The following IPO11 variants were observed in gnomAD, a reference collection of about 807,000 sequenced individuals.
IPO11 encodes the protein importin-11.
In IPO11, 66 loss-of-function variants were observed where a neutral mutation model predicts 143.2. The observed-to-expected ratio is 0.46, with a 90% confidence interval of 0.38 to 0.57. The LOEUF (loss-of-function observed/expected upper bound fraction) is 0.57, where lower values mean the gene tolerates loss of function less well. IPO11 is among the 20% of genes least tolerant of loss of function. IPO11 has a pLI of 0.00. For synonymous variants in IPO11, 385 were observed against 377.8 expected, an observed-to-expected ratio of 1.02 and a Z score of -0.22; for missense variants, 1,026 against 1,141.0, an observed-to-expected ratio of 0.90 and a Z score of 1.45.
chr5:62,519,145 G>T (rs1250823602), intron 20 of IPO11, among the ~76,000 whole-genome samples: 1 of 152,152 alleles, frequency 6.6e-6, no homozygotes, highest in African/African-American at 2.4e-5. Flanking sequence ...TTATTTAGAT[G>T]GTGGTTTAGC....
At chr5:62,446,417 C>G (rs1001343050) in intron 3 of IPO11, among the ~76,000 whole-genome samples, 4 of 152,158 alleles carry the variant, frequency 2.6e-5, no homozygotes, top group Admixed American at 2.6e-4. Context: ...CAGCAACATA[C>G]GAGTGTTTGT....
chr5:62,450,874 G>C (rs1169141112), intron 4 of IPO11, among the ~76,000 whole-genome samples: 1 of 152,032 alleles, frequency 6.6e-6, no homozygotes, highest in African/African-American at 2.4e-5. Context: ...ACTTGGTTAT[G>C]CTTGATTTTT....
chr5:62,541,456 G>C (rs981028599), intron 24 of IPO11, among the ~76,000 whole-genome samples: 2 of 152,084 alleles, frequency 1.3e-5, no homozygotes, highest in South Asian at 4.1e-4. Context: ...GAGGCAGGCG[G>C]ATCACTTGAT....
intron 13 of IPO11, among the ~76,000 whole-genome samples, chr5:62,488,931 A>G (rs781635965): frequency 3.3e-5 from 5 of 152,166 alleles, no homozygotes; most frequent in Admixed American, 6.6e-5. Context: ...TGAGCGCAGG[A>G]GGATGAGGCT....
At chr5:62,599,253 A>C (rs1482472834) in intron 28 of IPO11, among the ~76,000 whole-genome samples, 1 of 152,242 alleles carries the variant, frequency 6.6e-6, no homozygotes, top group Non-Finnish European at 1.5e-5. Context: ...CCTTTGCCCC[A>C]ACTATCCCTC....
chr5:62,517,602 C>T (rs191838501), intron 20 of IPO11, among the ~76,000 whole-genome samples: 152 of 152,226 alleles, frequency 1.0e-3, no homozygotes, highest in African/African-American at 3.6e-3. Flanking sequence ...GGGGTTTCTC[C>T]ATGTTGGTCA....
intron 5 of IPO11, among the ~76,000 whole-genome samples, chr5:62,466,652 A>G (rs373580810): frequency 3.3e-5 from 5 of 152,316 alleles, no homozygotes; most frequent in East Asian, 1.9e-4. Context: ...CTGAGAAACC[A>G]TGTGGTTTGT....
chr5:62,573,084 T>C (rs1744196528), intron 27 of IPO11, among the ~76,000 whole-genome samples: 1 of 152,116 alleles, frequency 6.6e-6, no homozygotes, highest in African/African-American at 2.4e-5. Context: ...TTTCACACTG[T>C]CGCCCAGGCT....
rs114378790 is a variant in IPO11, at chr5:62,612,556, T to C, written c.2763+10708T>C. On this transcript the variant is annotated intron_variant, in intron 29 of 29. Transcript: ENST00000325324. Reference sequence around the variant, plus strand: ...TTAAGCCACACATTAGATTTCCAAGTATGTAAAGCAGTGCCATTTTTCTCA... The same window carrying C: ...TTAAGCCACACATTAGATTTCCAAGCATGTAAAGCAGTGCCATTTTTCTCA... Among the ~76,000 whole-genome samples the C allele has an allele frequency of 4.4e-3, 670 of 152,350 alleles. 7 individuals carry two copies. The highest frequency in any genetic ancestry group is 0.016 in the African/African-American group (646 of 41,588).
intron 14 of IPO11, among the ~76,000 whole-genome samples, chr5:62,489,903 C>G (rs1292352336): frequency 6.6e-6 from 1 of 152,074 alleles, no homozygotes; most frequent in Non-Finnish European, 1.5e-5. Flanking sequence ...ATTGAATTAT[C>G]TGTTTGAAAG....
At chr5:62,425,650 T>TA (rs1156464594) in intron 1 of IPO11, among the ~76,000 whole-genome samples, 1 of 152,202 alleles carries the variant, frequency 6.6e-6, no homozygotes, top group Non-Finnish European at 1.5e-5. Context: ...TTAGGAATGA[T>TA]AGAAACAATA....
At chr5:62,537,846 C>G (rs987452410) in intron 24 of IPO11, among the ~76,000 whole-genome samples, 3 of 151,706 alleles carry the variant, frequency 2.0e-5, no homozygotes, top group Non-Finnish European at 4.4e-5. Flanking sequence ...TATATATTTA[C>G]ATATAAACAT....
At position 62,476,697 on chromosome 5, in the gene IPO11, A is replaced by G. The variant is rs750228579; in HGVS notation, c.772A>G (p.Thr258Ala). Residue 258 changes from threonine (T) to alanine (A), a missense_variant, in exon 9 of 30, where the codon ACA (threonine) becomes GCA (alanine). Physicochemically the swap from Thr to Ala is moderately conservative, Grantham distance 58. Coordinates refer to ENST00000325324, the MANE Select transcript of IPO11 (RefSeq NM_016338.5). ...ATTTTTAACAGGTAGAAGTATAGGT[A>G]CAGATAATGTGTGTAGAGATAGACT... ...QFLECSRSIG[T>A]DNVCRDRLEK... The G allele has an allele frequency of 6.6e-6, 10 of 1,522,414 alleles. No individual in the cohort carries two copies. In the East Asian group the frequency reaches 9.8e-5, roughly 15 times the overall value. 94.3% of individuals were successfully genotyped at this position (1,522,414 alleles called of 1,614,324 possible).
intron 3 of IPO11, among the ~76,000 whole-genome samples, chr5:62,445,291 G>A (rs1304696033): frequency 1.3e-5 from 2 of 152,026 alleles, no homozygotes; most frequent in African/African-American, 4.8e-5. Flanking sequence ...ACATTGCAGT[G>A]TATCTGGGTC....
chr5:62,560,567 G>A (rs1237343446), intron 26 of IPO11: 1 of 152,248 alleles, frequency 6.6e-6, no homozygotes, highest in African/African-American at 2.4e-5. Flanking sequence ...GAGCACCTTA[G>A]CCTAGCAGAG....
chr5:62,462,682 C>T (rs553145162), intron 5 of IPO11, among the ~76,000 whole-genome samples: 1 of 152,266 alleles, frequency 6.6e-6, no homozygotes, highest in South Asian at 2.1e-4. Flanking sequence ...AGGCATGAGC[C>T]ACTATGCCCG....
At chr5:62,528,752 AGT>A (rs200780772) in intron 21 of IPO11, among the ~76,000 whole-genome samples, 2 of 152,118 alleles carry the variant, frequency 1.3e-5, no homozygotes, top group East Asian at 1.9e-4. Flanking sequence ...CTGGATTAGG[AGT>A]GTGCACAAGA....
intron 5 of IPO11, among the ~76,000 whole-genome samples, chr5:62,452,758 G>GTGTGTGTGTGTA (rs797020141): frequency 1.4e-5 from 2 of 142,882 alleles, no homozygotes; most frequent in African/African-American, 5.6e-5. Flanking sequence ...GTGTGTGTGT[G>GTGTGTGTGTGTA]TGCACGCATT....
At position 62,529,516 on chromosome 5, in the gene IPO11, G is replaced by C. The variant is rs188217885; in HGVS notation, c.2013-1193G>C. Reference sequence around the variant, plus strand: ...TCTTCTATTAATGATTTGGATCTATGATCTACATTTTGTGATTCTTTTTGA... The same window carrying C: ...TCTTCTATTAATGATTTGGATCTATCATCTACATTTTGTGATTCTTTTTGA... On this transcript the variant is annotated intron_variant, in intron 21 of 29. Coordinates refer to ENST00000325324, the MANE Select transcript of IPO11 (RefSeq NM_016338.5). Among the ~76,000 whole-genome samples, 4 of 151,932 alleles carry C rather than the reference G, an allele frequency of 2.6e-5. No individual in the cohort carries two copies. The East Asian group carries it at 7.7e-4, about 29-fold the overall frequency.
Sources: gnomAD v4.1 joint callset for allele counts (sites outside exome capture counted in the v4.1 genomes callset) on GRCh38, gnomAD v4.1.1 for gene constraint, MANE v1.5 for transcripts, NCBI Gene and HGNC (gene_info 2026-07-23, HGNC 2026-07-21) for gene names.